The following HINT3 variants were observed in gnomAD, a reference collection of about 807,000 sequenced individuals.
HINT3 encodes the protein adenosine 5'-monophosphoramidase HINT3.
In HINT3, 16 loss-of-function variants were observed where a neutral mutation model predicts 19.1. The ratio of observed to expected loss-of-function variants is 0.84; its 90% CI spans 0.57 to 1.27. The LOEUF (loss-of-function observed/expected upper bound fraction) is 1.27. Ranked by LOEUF, HINT3 falls within the 50% of genes most tolerant of loss-of-function variation. HINT3 has a pLI of 0.00. For missense variants in HINT3, 197 were observed against 225.8 expected, an observed-to-expected ratio of 0.87 and a Z score of 0.82; for synonymous variants, 75 against 84.8, an observed-to-expected ratio of 0.88 and a Z score of 0.63.
At chr6:125,965,272 C>A (rs376032959) in intron 1 of HINT3, among the ~76,000 whole-genome samples, 1 of 152,124 alleles carries the variant, frequency 6.6e-6, no homozygotes, top group Admixed American at 6.5e-5. Context: ...AGTGTCATTC[C>A]TGCTGTGAGG....
At chr6:125,957,310 C>G (rs1788854632) in intron 1 of HINT3, 132 bp downstream of exon 1, 1 of 984,676 alleles carries the variant, frequency 1.0e-6, no homozygotes, top group East Asian at 2.6e-5. Flanking sequence ...GGCAGGGCCG[C>G]TCTGTGTGGA....
chr6:125,976,344 G>T (rs1341037852), intron 4 of HINT3, among the ~76,000 whole-genome samples: 1 of 151,962 alleles, frequency 6.6e-6, no homozygotes, highest in African/African-American at 2.4e-5. Context: ...CCAGGATGTT[G>T]AGTCTGTAGT....
chr6:125,962,989 C>G (rs1349299064), intron 1 of HINT3, among the ~76,000 whole-genome samples: 1 of 152,112 alleles, frequency 6.6e-6, no homozygotes, highest in African/African-American at 2.4e-5. Flanking sequence ...TAACACTGGA[C>G]TAGAATTTAC....
chr6:125,968,735 T>G (rs1417301936), intron 2 of HINT3, among the ~76,000 whole-genome samples: 1 of 152,212 alleles, frequency 6.6e-6, no homozygotes, highest in Non-Finnish European at 1.5e-5. Context: ...TATCTTATTG[T>G]GGGTTTGATT....
At chr6:125,962,255 C>T (rs193179542) in intron 1 of HINT3, among the ~76,000 whole-genome samples, 743 of 14,906 alleles carry the variant, frequency 0.05, 79 homozygotes, top group East Asian at 0.27. Context: ...TATATACACA[C>T]ATATATATAT....
At chr6:125,962,149 C>CAT (rs1366165521) in intron 1 of HINT3, among the ~76,000 whole-genome samples, 2 of 38,646 alleles carry the variant, frequency 5.2e-5, no homozygotes, top group Non-Finnish European at 1.1e-4. Flanking sequence ...GATGGAAACC[C>CAT]ATATATATAT....
rs114751741 is a variant in HINT3 at position 125,966,963 on chromosome 6, T to C, written c.278T>C (p.Ile93Thr). Residue 93 changes from isoleucine to threonine, a missense_variant, in exon 2 of 5, where the codon ATT becomes ACT. Ile to Thr is a moderately conservative substitution (Grantham distance 89). Coordinates refer to ENST00000229633, the MANE Select transcript of HINT3 (RefSeq NM_138571.5). ...HHYLVVPKKH[I>T]GNCRTLRKDQ... ...TATCTTGTGGTGCCAAAGAAGCATA[T>C]TGGAAACTGCAGAACTCTAAGGAAA... 2.0e-4 allele frequency: 328 copies of C among 1,612,936 alleles called. 1 individual carries two copies. The African/African-American group carries it at 2.8e-3, about 14-fold the overall frequency.
intron 4 of HINT3, among the ~76,000 whole-genome samples, chr6:125,976,325 C>T (rs931183873): frequency 6.6e-6 from 1 of 151,928 alleles, no homozygotes; most frequent in South Asian, 2.1e-4. Flanking sequence ...ATAGGAGGAT[C>T]GCTTGAGCCC....
At chr6:125,960,175 T>A (rs1002850385) in intron 1 of HINT3, among the ~76,000 whole-genome samples, 1 of 152,172 alleles carries the variant, frequency 6.6e-6, no homozygotes, top group Non-Finnish European at 1.5e-5. Flanking sequence ...AAACAAGGAT[T>A]GTTGTACAGC....
rs776593581 is a variant in HINT3 at position 125,966,960 on chromosome 6, A to T, written c.275A>T (p.His92Leu). The change falls in exon 2 of 5, where the codon CAT becomes CTT. Residue 92 changes from histidine (H) to leucine (L), a missense_variant. Transcript: ENST00000229633. The stretch of plus-strand genomic sequence containing the variant: ...CATTATCTTGTGGTGCCAAAGAAGC[A>T]TATTGGAAACTGCAGAACTCTAAGG... ...THHYLVVPKK[H>L]IGNCRTLRKD... 1.9e-6 allele frequency: 3 copies of T among 1,613,180 alleles called. No homozygotes were observed.
At chr6:125,966,657 G>A (rs1789021566) in intron 1 of HINT3, among the ~76,000 whole-genome samples, 1 of 152,040 alleles carries the variant, frequency 6.6e-6, no homozygotes, top group Non-Finnish European at 1.5e-5. Context: ...ACTCATAATT[G>A]TTTCCCCAAA....
chr6:125,959,577 A>G (rs1289842975), intron 1 of HINT3, among the ~76,000 whole-genome samples: 1 of 152,214 alleles, frequency 6.6e-6, no homozygotes, highest in Non-Finnish European at 1.5e-5. Flanking sequence ...CAAAAGGCAG[A>G]TAGCAGTTGA....
At chr6:125,962,209 T>C (rs376645626) in intron 1 of HINT3, among the ~76,000 whole-genome samples, 519 of 20,256 alleles carry the variant, frequency 0.026, 32 homozygotes, top group Middle Eastern at 0.1. Context: ...TATATATATA[T>C]ACACATATAT....
intron 4 of HINT3, among the ~76,000 whole-genome samples, chr6:125,975,584 G>GTTTTTTTTT (rs397694163): frequency 3.4e-5 from 5 of 145,202 alleles, no homozygotes; most frequent in African/African-American, 1.3e-4. Context: ...CTGAAGAGTT[G>GTTTTTTTTT]TTTTTTTTTT....
chr6:125,962,149 CATATATATATACACATATATATATAT>C (rs1562211890), intron 1 of HINT3, among the ~76,000 whole-genome samples: 14 of 38,672 alleles, frequency 3.6e-4, no homozygotes, highest in South Asian at 1.7e-3. Flanking sequence ...GATGGAAACC[CATATATATATACACATATATATATAT>C]ATATATATAT....
rs869084942 is a variant in HINT3, at chr6:125,973,065, C to CTTTTTTTTT, written c.389+757_389+765dup. On this transcript the variant is annotated intron_variant, in intron 3 of 4. Coordinates refer to ENST00000229633, the MANE Select transcript of HINT3 (RefSeq NM_138571.5). ...AAGCACATGATGTTCAATTTTTCAA[C>CTTTTTTTTT]TTTTTTTTTTTTTTTTTTTTTTTTT... Among the ~76,000 whole-genome samples, 35 of 74,482 alleles carry CTTTTTTTTT rather than the reference C, an allele frequency of 4.7e-4. 5 individuals are homozygous for CTTTTTTTTT. The highest frequency in any genetic ancestry group is 1.6e-3 in the African/African-American group (29 of 18,660). 48.9% of individuals were successfully genotyped at this position (74,482 alleles called of 152,430 possible). A position where few individuals can be genotyped will look rare whatever the true frequency, so the allele number is the denominator to read the frequency against.
At chr6:125,969,287 T>C (rs749706490) in intron 2 of HINT3, among the ~76,000 whole-genome samples, 8 of 152,230 alleles carry the variant, frequency 5.3e-5, no homozygotes, top group Non-Finnish European at 1.2e-4. Context: ...CTTATATTTG[T>C]CAACTTTGTT....
In HINT3 at chr6:125,979,287, C is replaced by T. The variant is rs1004061997; in HGVS notation, c.*1611C>T. The T allele has an allele frequency of 6.6e-6, 1 of 152,090 alleles. No homozygotes were observed. 9.4% of individuals were successfully genotyped at this position (152,090 alleles called of 1,614,324 possible). A position where few individuals can be genotyped will look rare whatever the true frequency, so the allele number is the denominator to read the frequency against. ...AGTAGATTTAGAGAGATTTTTTTAT[C>T]ACTGTTTTATGATATAGTTCACTGA... On this transcript the variant is annotated 3_prime_UTR_variant, in exon 5 of 5. Transcript: ENST00000229633.
chr6:125,966,449 G>A (rs967545630), intron 1 of HINT3, among the ~76,000 whole-genome samples: 2 of 152,138 alleles, frequency 1.3e-5, no homozygotes, highest in Admixed American at 6.5e-5. Flanking sequence ...GCTAGCTGGT[G>A]TTCTTTTTAT....
Sources: gnomAD v4.1 joint callset for allele counts (sites outside exome capture counted in the v4.1 genomes callset) on GRCh38, gnomAD v4.1.1 for gene constraint, MANE v1.5 for transcripts, NCBI Gene and HGNC (gene_info 2026-07-23, HGNC 2026-07-21) for gene names.